Variants in SETX observed in about 807,000 individuals in gnomAD.
SETX encodes senataxin, also known as helicase senataxin.
Under a neutral mutation model 227.2 loss-of-function variants are expected in SETX, and 90 were observed. The observed-to-expected ratio is 0.40, with a 90% CI of 0.33 to 0.47. SETX has a LOEUF of 0.47. Ranked by LOEUF, SETX falls within the 20% of genes least tolerant of loss-of-function variation. SETX has a pLI of 0.91. For synonymous variants in SETX, 1,210 were observed against 1,113.2 expected, an observed-to-expected ratio of 1.09 and a Z score of -1.73; for missense variants, 3,052 against 3,181.5, an observed-to-expected ratio of 0.96 and a Z score of 0.98.
rs1274472091 is a variant in SETX at position 132,336,409 on chromosome 9, A to G, written c.605T>C (p.Leu202Ser). The G allele has an allele frequency of 6.2e-7, 1 of 1,614,030 alleles. No individual in the cohort carries two copies. The highest frequency in any genetic ancestry group is 8.5e-7 in the Non-Finnish European group (1 of 1,179,890). ...VLLCLFKVIE[L>S]GLLESPDIYT... is the part of the protein sequence containing the mutation. Reference sequence around the variant, plus strand: ...AATGTCTGGACTCTCTAAAAGCCCCAACTCAATGACTTTAAAAAGGCAAAG... The same window carrying G: ...AATGTCTGGACTCTCTAAAAGCCCCGACTCAATGACTTTAAAAAGGCAAAG... Residue 202 changes from leucine (L) to serine (S), a missense_variant, in exon 6 of 26, where the codon TTG (leucine) becomes TCG (serine). Around this residue, in one of 10 missense-constraint regions of SETX, gnomAD observed 239 missense variants for 240.8 expected, o/e 0.99. Coordinates refer to ENST00000224140, the MANE Select transcript of SETX (RefSeq NM_015046.7).
intron 18 of SETX, among the ~76,000 whole-genome samples, chr9:132,284,049 C>T (rs1169721497): frequency 1.3e-5 from 2 of 152,170 alleles, no homozygotes; most frequent in African/African-American, 4.8e-5. Context: ...CTTTTTGCTA[C>T]TAAGAAGTAG....
At chr9:132,276,361 C>T (rs971031665) in intron 22 of SETX, among the ~76,000 whole-genome samples, 3 of 152,186 alleles carry the variant, frequency 2.0e-5, no homozygotes, top group Non-Finnish European at 4.4e-5. Context: ...TGTGTAACCT[C>T]TTCAATGAGT....
intron 9 of SETX, 32 bp from the exon 10 acceptor site, chr9:132,330,531 A>T: frequency 6.3e-7 from 1 of 1,579,830 alleles, no homozygotes. Context: ...TGTTCAGATA[A>T]ATAAGCACCA....
At position 132,329,514 on chromosome 9, in the gene SETX, T is replaced by A; in HGVS notation, c.2084A>T (p.Asn695Ile). 1 of 1,612,472 alleles carries A rather than the reference T, an allele frequency of 6.2e-7. No homozygotes were observed. Among genetic ancestry groups the A allele is most frequent in the Non-Finnish European group, 8.5e-7 (1 of 1,179,904 alleles). ...ATCTTCAGCTCTTTCAGTAAAAATG[T>A]TTTTACTACTCTGCTTTAAGCATGA... is the stretch of plus-strand genomic sequence containing the variant. ...AGSCLKQSSK[N>I]IFTERAEDQI... Residue 695 changes from asparagine (N) to isoleucine (I), a missense_variant, in exon 10 of 26, where the codon AAC becomes ATC. Asn to Ile is a moderately radical substitution (Grantham distance 149). Coordinates refer to ENST00000224140, the MANE Select transcript of SETX (RefSeq NM_015046.7).
intron 10 of SETX, among the ~76,000 whole-genome samples, chr9:132,319,842 G>A (rs1253204510): frequency 6.6e-6 from 1 of 152,190 alleles, no homozygotes; most frequent in Non-Finnish European, 1.5e-5. Context: ...GAGAATCCAA[G>A]TTAGTGCCTA....
chr9:132,312,770 AATC>A (rs1320549936), intron 10 of SETX, among the ~76,000 whole-genome samples: 2 of 152,228 alleles, frequency 1.3e-5, no homozygotes, highest in African/African-American at 2.4e-5. Flanking sequence ...AACTCCATAG[AATC>A]ATCATCAAAA....
intron 23 of SETX, among the ~76,000 whole-genome samples, chr9:132,273,164 GT>G (rs143471335): frequency 1.9e-4 from 28 of 149,430 alleles, no homozygotes; most frequent in African/African-American, 3.9e-4. Context: ...TATTTAGGTG[GT>G]TTTTTTTTTG....
chr9:132,278,201 C>T lies in SETX; in HGVS notation c.6711G>A (p.Leu2237=). 4 of 1,614,152 alleles carry T rather than the reference C, an allele frequency of 2.5e-6. No homozygotes were observed. Among genetic ancestry groups the T allele is most frequent in the Non-Finnish European group, 2.5e-6 (3 of 1,180,026 alleles). The change falls in exon 21 of 26, where the codon CTG becomes CTA. Residue 2237 remains leucine (L), a synonymous_variant. Transcript: ENST00000224140. ...TCATGTTGTGTTCTACATTCTCTTC[C>T]AGCAGTCTGCAGAAGCGAGCCATCA... The part of the protein sequence containing the change: ...QSMMARFCRL[L]EENVEHNMIS...
intron 15 of SETX, among the ~76,000 whole-genome samples, chr9:132,292,151 C>T (rs1390453283): frequency 6.6e-6 from 1 of 151,906 alleles, no homozygotes; most frequent in African/African-American, 2.4e-5. Flanking sequence ...ATATATAATA[C>T]AGCAAACGTG....
intron 20 of SETX, among the ~76,000 whole-genome samples, chr9:132,279,078 G>C (rs937195182): frequency 2.0e-5 from 3 of 152,202 alleles, no homozygotes; most frequent in Non-Finnish European, 4.4e-5. Flanking sequence ...GTTTCAGATG[G>C]TGAAGCATTT....
Position 132,329,902 on chromosome 9 carries a change from G to C in SETX, c.1696C>G (p.Leu566Val), listed in dbSNP as rs370367995. 6.2e-7 allele frequency: 1 copy of C among 1,614,118 alleles called. No homozygotes were observed. Among genetic ancestry groups the C allele is most frequent in the Non-Finnish European group, 8.5e-7 (1 of 1,180,020 alleles). ...CAACCTAGAGATAAATTTCCTCTAAGGAATAAGTTGAGCTTATCCCAGAAT... is the reference window on the plus strand; with the variant it reads ...CAACCTAGAGATAAATTTCCTCTAACGAATAAGTTGAGCTTATCCCAGAAT... ...KRFWDKLNLFLRGNLSLGWQL... is the reference protein window; with the variant it reads ...KRFWDKLNLFVRGNLSLGWQL... The change falls in exon 10 of 26, where the codon CTT becomes GTT. Residue 566 changes from leucine to valine, a missense_variant. Around this residue, in one of 10 missense-constraint regions of SETX, gnomAD observed 179 missense variants for 197.1 expected, o/e 0.91. Transcript: ENST00000224140.
rs1340629595 is a variant in SETX at position 132,264,702 on chromosome 9, G to A, written c.7571C>T (p.Ser2524Leu). 2.5e-6 allele frequency: 4 copies of A among 1,614,260 alleles called. No homozygotes were observed. Among genetic ancestry groups the A allele is most frequent in the Non-Finnish European group, 3.4e-6 (4 of 1,180,050 alleles). ...AACAGGAGGTCTTTCAGGGTCCTTT[G>A]AAGTAACAGTAAGAGTAATTTCCTT... Reference protein sequence around the residue: ...DSKEITLTVTSKDPERPPVHD... With the variant: ...DSKEITLTVTLKDPERPPVHD... Residue 2524 changes from serine to leucine, a missense_variant, in exon 26 of 26, where the codon TCA becomes TTA. Coordinates refer to ENST00000224140, the MANE Select transcript of SETX (RefSeq NM_015046.7).
Position 132,262,687 on chromosome 9 carries a change from T to C in SETX, c.*1552A>G, listed in dbSNP as rs189690394. ...GGGAGACACAGGTAATGAAATCAAATGCTCAAACTTTTGGCAACCGAAAGT... is the reference window on the plus strand; with the variant it reads ...GGGAGACACAGGTAATGAAATCAAACGCTCAAACTTTTGGCAACCGAAAGT... On this transcript the variant is annotated 3_prime_UTR_variant, in exon 26 of 26. Coordinates refer to ENST00000224140, the MANE Select transcript of SETX (RefSeq NM_015046.7). 6.6e-6 allele frequency: 1 copy of C among 152,638 alleles called. No homozygotes were observed. Among genetic ancestry groups the C allele is most frequent in the South Asian group, 2.1e-4 (1 of 4,830 alleles). The allele number at this position is 152,638 out of a possible 1,614,324, so 9.5% of individuals were successfully genotyped here. A position where few individuals can be genotyped will look rare whatever the true frequency, so the allele number is the denominator to read the frequency against.
At chr9:132,297,123 A>G in intron 13 of SETX, 69 bp from the exon 14 acceptor site, 1 of 1,356,212 alleles carries the variant, frequency 7.4e-7, no homozygotes, top group Non-Finnish European at 1.0e-6. Flanking sequence ...GAAGAACATG[A>G]AAAAGACCTG....
rs769929623 is a variant in SETX, at chr9:132,298,310, G to A, written c.5551C>T (p.Arg1851Cys). 1.1e-5 allele frequency: 17 copies of A among 1,613,002 alleles called. No individual in the cohort carries two copies. The highest frequency in any genetic ancestry group is 1.0e-4 in the Admixed American group (6 of 59,996). Residue 1851 changes from arginine (R) to cysteine (C), a missense_variant and splice_region_variant, in exon 13 of 26, where the codon CGT (arginine) becomes TGT (cysteine). Coordinates refer to ENST00000224140, the MANE Select transcript of SETX (RefSeq NM_015046.7). ...AGGTAACACTCAGTTTTCCCATTAC[G>A]CACTATCATCAAGAAAGAGAAAAAG... ...VHKFRRTSVMRNGKTECYLSI... is the reference protein window; with the variant it reads ...VHKFRRTSVMCNGKTECYLSI...
chr9:132,264,062 C>T lies in SETX; in HGVS notation c.*177G>A, dbSNP rs1181877861. 7 of 823,206 alleles carry T rather than the reference C, an allele frequency of 8.5e-6. No homozygotes were observed. The highest frequency in any genetic ancestry group is 1.1e-5 in the Non-Finnish European group (6 of 526,560). The allele number at this position is 823,206 out of a possible 1,614,324, so 51.0% of individuals were successfully genotyped here. ...ACACAATGCCCTCTGAAAGCTTTTG[C>T]AAATGACAGAAAATACTGAAGATGA... On this transcript the variant is annotated 3_prime_UTR_variant, in exon 26 of 26. Coordinates refer to ENST00000224140, the MANE Select transcript of SETX (RefSeq NM_015046.7).
chr9:132,302,000 T>C (rs925325248), intron 11 of SETX, among the ~76,000 whole-genome samples: 1 of 152,212 alleles, frequency 6.6e-6, no homozygotes, highest in East Asian at 1.9e-4. Flanking sequence ...TAAGACTTAA[T>C]ATTGTTAAAA....
intron 10 of SETX, 72 bp downstream of exon 10, chr9:132,326,252 C>G: frequency 5.0e-6 from 6 of 1,197,830 alleles, no homozygotes; most frequent in Non-Finnish European, 7.2e-6. Flanking sequence ...ACTATACTCT[C>G]ATTTTCACTC....
At position 132,279,651 on chromosome 9, in the gene SETX, T is replaced by A. The variant is rs190340056; in HGVS notation, c.6655-1394A>T. ...GGTTTGTGAAAGCATAAAATAATTA[T>A]TAATAGATACATGCCAATTTTCCCT... On this transcript the variant is annotated intron_variant, in intron 20 of 25. Coordinates refer to ENST00000224140, the MANE Select transcript of SETX (RefSeq NM_015046.7). Among the ~76,000 whole-genome samples the A allele has an allele frequency of 2.1e-4, 32 of 152,362 alleles. No homozygotes were observed. The East Asian group carries it at 5.4e-3, about 26-fold the overall frequency.
Sources: gnomAD v4.1 joint callset for allele counts (sites outside exome capture counted in the v4.1 genomes callset) on GRCh38, gnomAD v4.1.1 for gene constraint, gnomAD v4.1.1 regional missense constraint, MANE v1.5 for transcripts, NCBI Gene and HGNC (gene_info 2026-07-23, HGNC 2026-07-21) for gene names.